FBXO28: variants seen among roughly 807,000 people sequenced by gnomAD.
The protein encoded by FBXO28 is F-box only protein 28.
Under a neutral mutation model 38.1 loss-of-function variants are expected in FBXO28, and 8 were observed. The observed-to-expected ratio is 0.21, with a 90% confidence interval of 0.12 to 0.38. The LOEUF is 0.38. Ranked by LOEUF, FBXO28 falls within the 10% of genes least tolerant of loss-of-function variation. FBXO28 has a pLI of 1.00. For synonymous variants in FBXO28, 168 were observed against 173.8 expected (o/e 0.97, Z 0.26); for missense variants, 345 against 460.6 (o/e 0.75, Z 2.30).
chr1:224,157,450 A>G lies in FBXO28; in HGVS notation c.811A>G (p.Asn271Asp). Residue 271 changes from asparagine (N) to aspartate (D), a missense_variant, in exon 5 of 5, where the codon AAT becomes GAT. Asn to Asp is a conservative substitution (Grantham distance 23). Transcript: ENST00000366862. ...VTKLQQQVKT[N>D]GAGVTVLRRE... ...CAAACTCCAGCAGCAGGTTAAAACA[A>G]ATGGTGCTGGCGTGACTGTTCTCAG... 1.2e-6 allele frequency: 2 copies of G among 1,614,240 alleles called. No homozygotes were observed. The highest frequency in any genetic ancestry group is 8.5e-7 in the Non-Finnish European group (1 of 1,180,040).
At chr1:224,118,911 CAT>C (rs1192564766) in intron 1 of FBXO28, among the ~76,000 whole-genome samples, 3 of 152,122 alleles carry the variant, frequency 2.0e-5, no homozygotes. Context: ...AATGTCAGCA[CAT>C]GTCATATTGC....
intron 1 of FBXO28, among the ~76,000 whole-genome samples, chr1:224,115,731 C>A (rs568925952): frequency 6.6e-6 from 1 of 152,160 alleles, no homozygotes; most frequent in East Asian, 1.9e-4. Context: ...CAAACAGTGG[C>A]GTTTAATCAA....
intron 3 of FBXO28, among the ~76,000 whole-genome samples, chr1:224,146,833 G>A (rs757219440): frequency 6.8e-5 from 10 of 147,682 alleles, no homozygotes; most frequent in Admixed American, 1.4e-4. Flanking sequence ...TCAGCCTCCC[G>A]AGTAGCTGGG....
Position 224,157,555 on chromosome 1 carries a change from C to A in FBXO28, c.916C>A (p.Gln306Lys). The A allele has an allele frequency of 1.2e-6, 2 of 1,614,262 alleles. No individual in the cohort carries two copies. The highest frequency in any genetic ancestry group is 1.7e-6 in the Non-Finnish European group (2 of 1,180,052). ...AGACCAGGACCAGAAACTGCTAGAG[C>A]AGACCCAGATCATAGGTGAACAAAA... ...LQDQDQKLLE[Q>K]TQIIGEQNAR... Residue 306 changes from glutamine (Q) to lysine (K), a missense_variant, in exon 5 of 5, where the codon CAG (glutamine) becomes AAG (lysine). This residue lies in a region of FBXO28 where 151 missense variants were observed against 188.3 expected (regional missense o/e 0.80). Transcript: ENST00000366862.
chr1:224,137,288 G>A (rs543451757), intron 3 of FBXO28, among the ~76,000 whole-genome samples: 3 of 151,212 alleles, frequency 2.0e-5, no homozygotes, highest in African/African-American at 7.3e-5. Flanking sequence ...ACTTTGGGAG[G>A]CCAAGACGGG....
intron 2 of FBXO28, 125 bp downstream of exon 2, chr1:224,130,706 CA>C (rs1479264136): frequency 1.7e-6 from 1 of 603,760 alleles, no homozygotes; most frequent in Non-Finnish European, 2.9e-6. Context: ...ACAAAGATCA[CA>C]ATGTGATTTC....
chr1:224,130,298 C>T (rs974762831), intron 1 of FBXO28, among the ~76,000 whole-genome samples, 174 bp from the exon 2 acceptor site: 4 of 152,046 alleles, frequency 2.6e-5, no homozygotes, highest in Admixed American at 6.5e-5. Flanking sequence ...GCTGAGATTG[C>T]ACCACTGCAC....
At chr1:224,139,799 TACA>T (rs1657301115) in intron 3 of FBXO28, among the ~76,000 whole-genome samples, 2 of 151,722 alleles carry the variant, frequency 1.3e-5, no homozygotes, top group South Asian at 4.2e-4. Context: ...CATACATACA[TACA>T]TTTTGGCCAG....
chr1:224,130,609 T>C (rs1255132581), intron 2 of FBXO28, 28 bp downstream of exon 2: 2 of 1,466,754 alleles, frequency 1.4e-6, no homozygotes, highest in East Asian at 2.3e-5. Context: ...ATGACAATGA[T>C]GTACAGTTGG....
chr1:224,115,713 G>T (rs1364236591), intron 1 of FBXO28, among the ~76,000 whole-genome samples: 1 of 152,078 alleles, frequency 6.6e-6, no homozygotes, highest in Non-Finnish European at 1.5e-5. Flanking sequence ...TATTCCTTCA[G>T]ATTTTTACAA....
rs1466370779 is a variant in FBXO28 at position 224,134,204 on chromosome 1, C to T, written c.508C>T (p.Pro170Ser). The change falls in exon 3 of 5, where the codon CCA (proline) becomes TCA (serine). Residue 170 changes from proline (P) to serine (S), a missense_variant. Physicochemically the swap from Pro to Ser is moderately conservative, Grantham distance 74. Around this residue, in one of 6 missense-constraint regions of FBXO28, gnomAD observed 24 missense variants for 24.6 expected, o/e 0.98. Coordinates refer to ENST00000366862, the MANE Select transcript of FBXO28 (RefSeq NM_015176.4). ...GGATTCCAATCTCTGTTGCTTCATC[C>T]CAGGAAAGGTAAAATAGAATTGCTT... is the stretch of plus-strand genomic sequence containing the variant. ...YVDSNLCCFIPGKVIDEIYRV... is the reference protein window; with the variant it reads ...YVDSNLCCFISGKVIDEIYRV... The T allele has an allele frequency of 6.2e-7, 1 of 1,611,804 alleles. No homozygotes were observed.
Position 224,158,017 on chromosome 1 carries a change from T to C in FBXO28, c.*271T>C. ...TTAACTTTTTTCTGTGCAGATAATG[T>C]TGAAAGTAAGTTAATTTGTTTCTGC... is the stretch of plus-strand genomic sequence containing the variant. On this transcript the variant is annotated 3_prime_UTR_variant, in exon 5 of 5. Transcript: ENST00000366862. The C allele has an allele frequency of 1.7e-6, 2 of 1,192,740 alleles. No individual in the cohort carries two copies. Among genetic ancestry groups the C allele is most frequent in the Non-Finnish European group, 1.0e-6 (1 of 962,100 alleles). 73.9% of individuals were successfully genotyped at this position (1,192,740 alleles called of 1,614,324 possible).
At chr1:224,133,828 A>AAT (rs5781349) in intron 2 of FBXO28, among the ~76,000 whole-genome samples, 201 of 148,706 alleles carry the variant, frequency 1.4e-3, no homozygotes, top group African/African-American at 4.7e-3. Context: ...ACCTAATTAA[A>AAT]ATATATATAT....
rs1447153301 is a variant in FBXO28, at chr1:224,158,896, TA to T, written c.*1151del. ...GACCTTGAGGGAAGCTTTTTAATAT[TA>T]GTTTCAAGCTTTCCTTACCCTACAA... On this transcript the variant is annotated 3_prime_UTR_variant, in exon 5 of 5. Coordinates refer to ENST00000366862, the MANE Select transcript of FBXO28 (RefSeq NM_015176.4). 1 of 152,656 alleles carries T rather than the reference TA, an allele frequency of 6.6e-6. No homozygotes were observed. The highest frequency in any genetic ancestry group is 1.9e-4 in the East Asian group (1 of 5,204). 9.5% of individuals were successfully genotyped at this position (152,656 alleles called of 1,614,324 possible).
intron 4 of FBXO28, among the ~76,000 whole-genome samples, chr1:224,154,426 T>A (rs919228106): frequency 6.7e-6 from 1 of 149,872 alleles, no homozygotes; most frequent in African/African-American, 2.5e-5. Context: ...ATCCCAGAAC[T>A]TTGGGAGGCC....
chr1:224,124,191 TAAG>T (rs1656849508), intron 1 of FBXO28, among the ~76,000 whole-genome samples: 1 of 152,220 alleles, frequency 6.6e-6, no homozygotes, highest in South Asian at 2.1e-4. Context: ...CTTGCATTAT[TAAG>T]AAGGACCATG....
At chr1:224,150,933 A>G (rs1300032385) in intron 3 of FBXO28, among the ~76,000 whole-genome samples, 3 of 152,166 alleles carry the variant, frequency 2.0e-5, no homozygotes, top group Non-Finnish European at 2.9e-5. Flanking sequence ...TTGAAAAGTG[A>G]CAAGTACATA....
Position 224,157,759 on chromosome 1 carries a change from T to C in FBXO28, c.*13T>C. On this transcript the variant is annotated 3_prime_UTR_variant, in exon 5 of 5. Coordinates refer to ENST00000366862, the MANE Select transcript of FBXO28 (RefSeq NM_015176.4). ...GAATAGAAAGTAAATTGGAATGTGG[T>C]TCTAGTTCCAGAGGAAGACACAGCT... 1 of 1,582,944 alleles carries C rather than the reference T, an allele frequency of 6.3e-7. No homozygotes were observed.
chr1:224,139,221 G>T (rs553527554), intron 3 of FBXO28, among the ~76,000 whole-genome samples: 1 of 151,704 alleles, frequency 6.6e-6, no homozygotes, highest in African/African-American at 2.4e-5. Context: ...CTGAACAGAC[G>T]TAAAAATCTA....
Sources: allele counts gnomAD v4.1 joint callset (sites outside exome capture counted in the v4.1 genomes callset), GRCh38; gene constraint gnomAD v4.1.1; regional missense constraint gnomAD v4.1.1; transcripts MANE v1.5; gene names NCBI Gene and HGNC (gene_info 2026-07-23, HGNC 2026-07-21).